The following TMEM108 variants were observed in gnomAD, a reference collection of about 807,000 sequenced individuals.
The protein encoded by TMEM108 is transmembrane protein 108.
In TMEM108, 12 loss-of-function variants were observed where a neutral mutation model predicts 35.1. That is an observed-to-expected ratio of 0.34 (90% CI 0.22 to 0.55). The LOEUF is 0.55. Among genes scored for constraint, TMEM108 ranks in the 20% least tolerant of loss-of-function variants. TMEM108 has a pLI of 0.89. For missense variants in TMEM108, 680 were observed against 753.3 expected (o/e 0.90, Z 1.14); for synonymous variants, 287 against 308.6 (o/e 0.93, Z 0.73).
At chr3:133,091,347 T>C (rs1167479356) in intron 2 of TMEM108, among the ~76,000 whole-genome samples, 2 of 152,188 alleles carry the variant, frequency 1.3e-5, no homozygotes, top group Non-Finnish European at 2.9e-5. Flanking sequence ...GGGGCAATAA[T>C]AGATTGTAAC....
chr3:133,250,697 G>A (rs1559882450), intron 3 of TMEM108, among the ~76,000 whole-genome samples: 1 of 152,184 alleles, frequency 6.6e-6, no homozygotes, highest in African/African-American at 2.4e-5. Context: ...TGCAAATCAT[G>A]AAATGTTAAA....
At chr3:133,277,411 T>C (rs1946853508) in intron 3 of TMEM108, among the ~76,000 whole-genome samples, 1 of 152,246 alleles carries the variant, frequency 6.6e-6, no homozygotes, top group African/African-American at 2.4e-5. Context: ...TTTATTATAC[T>C]ATTCTTGTAA....
chr3:133,160,147 T>TA (rs1944940592), intron 2 of TMEM108, among the ~76,000 whole-genome samples: 2 of 152,336 alleles, frequency 1.3e-5, no homozygotes, highest in Middle Eastern at 3.4e-3. Flanking sequence ...ACCCTCCAGG[T>TA]AGGCAGGCTT....
At chr3:133,120,104 T>C (rs1944334737) in intron 2 of TMEM108, among the ~76,000 whole-genome samples, 1 of 152,212 alleles carries the variant, frequency 6.6e-6, no homozygotes, top group Admixed American at 6.5e-5. Context: ...TGTAATTGCA[T>C]AAACTAGACT....
At chr3:133,184,751 C>G (rs1185907878) in intron 2 of TMEM108, among the ~76,000 whole-genome samples, 2 of 152,110 alleles carry the variant, frequency 1.3e-5, no homozygotes, top group East Asian at 3.8e-4. Flanking sequence ...GTGGAGGCAT[C>G]CCAGAGAGAA....
At chr3:133,170,503 C>T (rs1476000955) in intron 2 of TMEM108, among the ~76,000 whole-genome samples, 1 of 152,054 alleles carries the variant, frequency 6.6e-6, no homozygotes, top group Admixed American at 6.6e-5. Context: ...AATGTGGTAA[C>T]AAAATTTTAA....
chr3:133,301,098 C>T (rs542476556), intron 3 of TMEM108, among the ~76,000 whole-genome samples: 4 of 151,182 alleles, frequency 2.6e-5, no homozygotes, highest in African/African-American at 4.9e-5. Context: ...GTTCACAGAG[C>T]GTGTAAGGAA....
intron 3 of TMEM108, among the ~76,000 whole-genome samples, chr3:133,375,299 G>A (rs1388020956): frequency 6.6e-6 from 1 of 152,168 alleles, no homozygotes; most frequent in Admixed American, 6.5e-5. Flanking sequence ...ATTTTCAGTA[G>A]GAGGAGACCT....
intron 2 of TMEM108, among the ~76,000 whole-genome samples, chr3:133,170,595 T>G (rs978322564): frequency 6.6e-6 from 1 of 152,142 alleles, no homozygotes; most frequent in Non-Finnish European, 1.5e-5. Flanking sequence ...AAAAAAAGCA[T>G]TTAGGTATTG....
intron 3 of TMEM108, among the ~76,000 whole-genome samples, chr3:133,260,465 T>C (rs1437795737): frequency 1.3e-5 from 2 of 152,112 alleles, no homozygotes; most frequent in African/African-American, 4.8e-5. Flanking sequence ...GAAAAGAATT[T>C]GCAGATAGAA....
chr3:133,180,900 A>G (rs1203767404), intron 2 of TMEM108, among the ~76,000 whole-genome samples: 1 of 151,548 alleles, frequency 6.6e-6, no homozygotes, highest in Non-Finnish European at 1.5e-5. Flanking sequence ...AATTTCAAAC[A>G]ACTTTTAACA....
chr3:133,388,238 G>C (rs2073183242), intron 4 of TMEM108: 1 of 985,504 alleles, frequency 1.0e-6, no homozygotes, highest in African/African-American at 1.7e-5. Flanking sequence ...CCAGCTGCAG[G>C]AGCAGAGTGA....
chr3:133,279,449 G>A (rs1179309314), intron 3 of TMEM108, among the ~76,000 whole-genome samples: 2 of 152,212 alleles, frequency 1.3e-5, no homozygotes, highest in East Asian at 3.8e-4. Flanking sequence ...GGAAGTGGCA[G>A]ATAGTAATGA....
chr3:133,073,204 A>G (rs1355011338), intron 2 of TMEM108, among the ~76,000 whole-genome samples: 1 of 152,022 alleles, frequency 6.6e-6, no homozygotes, highest in Non-Finnish European at 1.5e-5. Context: ...ACGTTGTTGT[A>G]TAATAGGTCT....
chr3:133,322,562 A>G (rs960352923), intron 3 of TMEM108, among the ~76,000 whole-genome samples: 29 of 152,298 alleles, frequency 1.9e-4, no homozygotes, highest in African/African-American at 6.5e-4. Context: ...CCAGGACCAG[A>G]CGGATTCACA....
intron 3 of TMEM108, among the ~76,000 whole-genome samples, chr3:133,262,667 T>A (rs1946641351): frequency 6.6e-6 from 1 of 152,246 alleles, no homozygotes. Flanking sequence ...GTTGTAATAC[T>A]TGTGAATTCC....
Position 133,218,279 on chromosome 3 carries a change from T to A in TMEM108, c.-46-10987T>A, listed in dbSNP as rs2107847948. 1.3e-5 allele frequency among the ~76,000 whole-genome samples: 2 copies of A among 152,172 alleles called. 1 individual carries two copies. Among genetic ancestry groups the A allele is most frequent in the South Asian group, 4.1e-4 (2 of 4,830 alleles). On this transcript the variant is annotated intron_variant, in intron 2 of 5. Coordinates refer to ENST00000321871, the MANE Select transcript of TMEM108 (RefSeq NM_023943.4). ...CTTGTATTCTGCAACTTTACTGGAT[T>A]TGTCAGTTTTAACAGTGTTTTGGTG...
At chr3:133,321,382 A>G (rs950355867) in intron 3 of TMEM108, among the ~76,000 whole-genome samples, 3 of 152,230 alleles carry the variant, frequency 2.0e-5, no homozygotes, top group African/African-American at 7.2e-5. Context: ...ATATCAGACA[A>G]AACAAACTTT....
intron 5 of TMEM108, among the ~76,000 whole-genome samples, chr3:133,394,635 A>G (rs2073280118): frequency 1.3e-5 from 2 of 152,238 alleles, no homozygotes; most frequent in Non-Finnish European, 1.5e-5. Context: ...ACCCAAAAGC[A>G]TGGTGGAGGA....
Sources: gnomAD v4.1 joint callset for allele counts (sites outside exome capture counted in the v4.1 genomes callset) on GRCh38, gnomAD v4.1.1 for gene constraint, MANE v1.5 for transcripts, NCBI Gene and HGNC (gene_info 2026-07-23, HGNC 2026-07-21) for gene names.